DNAJC12: variants seen among roughly 807,000 people sequenced by gnomAD.
DNAJC12 encodes the protein dnaJ homolog subfamily C member 12.
A neutral mutation model predicts 28.5 loss-of-function variants in DNAJC12; 25 were observed. The ratio of observed to expected loss-of-function variants is 0.88; its 90% CI spans 0.64 to 1.22. The LOEUF is 1.22. Among genes scored for constraint, DNAJC12 ranks in the 50% most tolerant of loss-of-function variants. The pLI is 0.00. For missense variants in DNAJC12, 222 were observed against 231.7 expected, an observed-to-expected ratio of 0.96 and a Z score of 0.27; for synonymous variants, 77 against 80.6, an observed-to-expected ratio of 0.95 and a Z score of 0.24.
intron 2 of DNAJC12, among the ~76,000 whole-genome samples, chr10:67,819,189 C>T (rs560516428): frequency 1.3e-5 from 2 of 151,946 alleles, no homozygotes; most frequent in African/African-American, 2.4e-5. Context: ...AAAAATTAGC[C>T]GGGCGCGGTG....
intron 2 of DNAJC12, among the ~76,000 whole-genome samples, chr10:67,816,791 C>T (rs905264940): frequency 2.0e-5 from 3 of 152,138 alleles, no homozygotes; most frequent in Admixed American, 6.5e-5. Context: ...ATGTGATCTG[C>T]CCACCTTGGC....
intron 4 of DNAJC12, among the ~76,000 whole-genome samples, chr10:67,801,971 T>G (rs1841751129): frequency 6.8e-6 from 1 of 147,894 alleles, no homozygotes; most frequent in Non-Finnish European, 1.5e-5. Context: ...AAGTAATCCT[T>G]CTGCCTCAGC....
intron 1 of DNAJC12, among the ~76,000 whole-genome samples, chr10:67,826,809 GAT>G (rs1283869716): frequency 5.7e-5 from 7 of 122,354 alleles, no homozygotes; most frequent in South Asian, 4.8e-4. Flanking sequence ...GATATATAAT[GAT>G]ATATATAATA....
chr10:67,802,942 C>A (rs570386802), intron 4 of DNAJC12, among the ~76,000 whole-genome samples: 1 of 150,960 alleles, frequency 6.6e-6, no homozygotes, highest in Admixed American at 6.6e-5. Flanking sequence ...CCTCAACATC[C>A]CCCCCCACAC....
At chr10:67,818,924 G>A (rs1289507986) in intron 2 of DNAJC12, among the ~76,000 whole-genome samples, 1 of 152,050 alleles carries the variant, frequency 6.6e-6, no homozygotes, top group South Asian at 2.1e-4. Flanking sequence ...CAAAGTGCTG[G>A]GATTACAGGC....
chr10:67,798,816 A>G (rs1841707190), intron 4 of DNAJC12, among the ~76,000 whole-genome samples: 4 of 130,830 alleles, frequency 3.1e-5, no homozygotes, highest in Non-Finnish European at 1.5e-5. Flanking sequence ...CCCAGGCTGG[A>G]GTGCAATGGC....
intron 3 of DNAJC12, chr10:67,808,576 A>G (rs1006251966): frequency 2.0e-5 from 3 of 152,170 alleles, no homozygotes; most frequent in African/African-American, 7.2e-5. Flanking sequence ...GTGCAAAGAC[A>G]ACAGGCACGT....
At chr10:67,812,798 G>A (rs923241662) in intron 2 of DNAJC12, among the ~76,000 whole-genome samples, 12 of 151,490 alleles carry the variant, frequency 7.9e-5, no homozygotes, top group Non-Finnish European at 1.5e-4. Context: ...GTTGCAGTGA[G>A]CCGAGATTGT....
intron 1 of DNAJC12, chr10:67,834,009 T>A: frequency 2.2e-6 from 1 of 456,334 alleles, no homozygotes. Context: ...AGATGCTCAT[T>A]GATAAATTAT....
At chr10:67,818,161 G>A (rs571316427) in intron 2 of DNAJC12, among the ~76,000 whole-genome samples, 8 of 152,056 alleles carry the variant, frequency 5.3e-5, no homozygotes, top group African/African-American at 1.4e-4. Context: ...AACCAAGATC[G>A]CACCACTGCA....
intron 2 of DNAJC12, among the ~76,000 whole-genome samples, chr10:67,812,566 G>A (rs1333139050): frequency 1.3e-5 from 2 of 152,050 alleles, no homozygotes; most frequent in East Asian, 1.9e-4. Flanking sequence ...TATACAGGCC[G>A]GGTGCAGTGG....
At chr10:67,820,543 A>G (rs1841971445) in intron 2 of DNAJC12, among the ~76,000 whole-genome samples, 1 of 152,168 alleles carries the variant, frequency 6.6e-6, no homozygotes, top group South Asian at 2.1e-4. Flanking sequence ...CTGGATATAC[A>G]TATGCACAAA....
chr10:67,831,321 C>A (rs1350008400), intron 1 of DNAJC12, among the ~76,000 whole-genome samples: 1 of 152,170 alleles, frequency 6.6e-6, no homozygotes, highest in African/African-American at 2.4e-5. Context: ...TGTAGGTTAA[C>A]ATTTTTATTT....
intron 3 of DNAJC12, among the ~76,000 whole-genome samples, chr10:67,807,766 CCTGTGGTCTGT>C (rs1841818111): frequency 6.6e-6 from 1 of 152,146 alleles, no homozygotes; most frequent in African/African-American, 2.4e-5. Flanking sequence ...AATCAAAGTA[CCTGTGGTCTGT>C]CTTAGATAGG....
At chr10:67,836,173 G>A (rs527357390) in intron 1 of DNAJC12, among the ~76,000 whole-genome samples, 1 of 151,000 alleles carries the variant, frequency 6.6e-6, no homozygotes, top group African/African-American at 2.4e-5. Context: ...ACAGGCAGGG[G>A]AACATCACAC....
At chr10:67,810,592 G>C (rs1047249520) in intron 3 of DNAJC12, among the ~76,000 whole-genome samples, 15 of 152,306 alleles carry the variant, frequency 9.8e-5, no homozygotes, top group Admixed American at 2.6e-4. Flanking sequence ...AGGGTTGATG[G>C]TGTGAAGGAA....
At chr10:67,830,229 T>G (rs1003674951) in intron 1 of DNAJC12, among the ~76,000 whole-genome samples, 4 of 152,166 alleles carry the variant, frequency 2.6e-5, no homozygotes, top group African/African-American at 9.7e-5. Context: ...AAGAATCGCT[T>G]GAGCCTGGGA....
intron 1 of DNAJC12, among the ~76,000 whole-genome samples, chr10:67,835,194 A>G (rs943125861): frequency 6.6e-6 from 1 of 152,204 alleles, no homozygotes; most frequent in African/African-American, 2.4e-5. Context: ...CAATTGTGAT[A>G]AGTAAAATTA....
In DNAJC12 at chr10:67,823,385, TG is replaced by T. The variant is rs770562664; in HGVS notation, c.85del (p.Gln29LysfsTer38). On this transcript the variant is annotated frameshift_variant, in exon 2 of 5. Coordinates refer to ENST00000225171, the MANE Select transcript of DNAJC12 (RefSeq NM_021800.3). LOFTEE classifies it high-confidence loss of function. ...LGCDELSSVE[Q>X]ILAEFKVRAL... ...TCTGACTTTAAATTCTGCCAGGATT[TG>T]TTCAACCTGAAACAAAAATCAGTGT... 17 of 1,613,938 alleles carry T rather than the reference TG, an allele frequency of 1.1e-5. No homozygotes were observed. The highest frequency in any genetic ancestry group is 1.3e-5 in the African/African-American group (1 of 74,910).
Sources: gnomAD v4.1 joint callset for allele counts (sites outside exome capture counted in the v4.1 genomes callset) on GRCh38, gnomAD v4.1.1 for gene constraint, MANE v1.5 for transcripts, NCBI Gene and HGNC (gene_info 2026-07-23, HGNC 2026-07-21) for gene names.